SORCS2: variants seen among roughly 807,000 people sequenced by gnomAD.
SORCS2 encodes VPS10 domain-containing receptor SorCS2.
Under a neutral mutation model 141.6 loss-of-function variants are expected in SORCS2, and 100 were observed. That is an observed-to-expected ratio of 0.71 (90% CI 0.60 to 0.83). SORCS2 has a LOEUF of 0.83. SORCS2 is among the 40% of genes least tolerant of loss of function. The pLI, the probability that SORCS2 is intolerant of heterozygous loss-of-function variation, is 0.00. For missense variants in SORCS2, 1,646 were observed against 1,560.2 expected, an observed-to-expected ratio of 1.05 and a Z score of -0.93; for synonymous variants, 789 against 676.9, an observed-to-expected ratio of 1.17 and a Z score of -2.57.
chr4:7,466,311 G>T (rs1729614127), intron 2 of SORCS2, among the ~76,000 whole-genome samples: 1 of 152,152 alleles, frequency 6.6e-6, no homozygotes, highest in Non-Finnish European at 1.5e-5. Context: ...GAGACAAGGA[G>T]AGGCTGGCGG....
At chr4:7,410,646 T>C (rs1725242128) in intron 2 of SORCS2, among the ~76,000 whole-genome samples, 1 of 152,192 alleles carries the variant, frequency 6.6e-6, no homozygotes, top group South Asian at 2.1e-4. Context: ...GCATTTTTGC[T>C]CCCAGGCCAG....
At chr4:7,598,642 C>G (rs1441939882) in intron 3 of SORCS2, among the ~76,000 whole-genome samples, 1 of 152,154 alleles carries the variant, frequency 6.6e-6, no homozygotes, top group African/African-American at 2.4e-5. Context: ...GTGTGCCCCT[C>G]GCTTGTGCTT....
At chr4:7,420,651 G>A (rs7681390) in intron 2 of SORCS2, among the ~76,000 whole-genome samples, 2 of 152,052 alleles carry the variant, frequency 1.3e-5, no homozygotes, top group Non-Finnish European at 2.9e-5. Context: ...CTTTCCTGAC[G>A]CCACTGAGCC....
intron 1 of SORCS2, among the ~76,000 whole-genome samples, chr4:7,297,087 G>C (rs1049652333): frequency 2.4e-5 from 2 of 81,836 alleles, no homozygotes; most frequent in Non-Finnish European, 6.4e-5. Context: ...CAGAGTGCCT[G>C]GGGGGGTCCT....
At chr4:7,439,389 A>G (rs1727511630) in intron 2 of SORCS2, among the ~76,000 whole-genome samples, 1 of 152,124 alleles carries the variant, frequency 6.6e-6, no homozygotes, top group South Asian at 2.1e-4. Flanking sequence ...TTTTAGAAAC[A>G]CCAATCCATA....
chr4:7,623,031 G>C (rs1324387481), intron 3 of SORCS2, among the ~76,000 whole-genome samples: 1 of 151,984 alleles, frequency 6.6e-6, no homozygotes, highest in Non-Finnish European at 1.5e-5. Context: ...ATGGTTAGAG[G>C]GCAGATGAAG....
intron 4 of SORCS2, among the ~76,000 whole-genome samples, chr4:7,645,913 G>T (rs1318156296): frequency 6.6e-6 from 1 of 152,206 alleles, no homozygotes; most frequent in Non-Finnish European, 1.5e-5. Flanking sequence ...CTGCCTTCCT[G>T]CTCCCAAGGC....
chr4:7,618,212 A>T (rs1052797500), intron 3 of SORCS2, among the ~76,000 whole-genome samples: 15 of 151,820 alleles, frequency 9.9e-5, no homozygotes, highest in Non-Finnish European at 2.9e-5. Flanking sequence ...TCACGCTAAA[A>T]ACTCAGGGGT....
chr4:7,684,730 A>G (rs570808943), intron 10 of SORCS2, among the ~76,000 whole-genome samples: 2 of 140,732 alleles, frequency 1.4e-5, no homozygotes, highest in East Asian at 3.9e-4. Flanking sequence ...CTCAGAACAC[A>G]CCAACCAGCA....
At chr4:7,405,286 G>A (rs1052230068) in intron 2 of SORCS2, among the ~76,000 whole-genome samples, 1 of 152,050 alleles carries the variant, frequency 6.6e-6, no homozygotes, top group Non-Finnish European at 1.5e-5. Context: ...GTTAGGTAAC[G>A]TGGTGCCTCC....
chr4:7,692,301 C>G (rs1265686315), intron 11 of SORCS2, among the ~76,000 whole-genome samples: 1 of 152,178 alleles, frequency 6.6e-6, no homozygotes. Flanking sequence ...GGGTCGCTCC[C>G]CTGCCCACCC....
chr4:7,559,856 A>G (rs1714408943), intron 3 of SORCS2, among the ~76,000 whole-genome samples: 1 of 152,264 alleles, frequency 6.6e-6, no homozygotes. Flanking sequence ...CATTGCTGTC[A>G]TCATTGTCAC....
intron 2 of SORCS2, among the ~76,000 whole-genome samples, chr4:7,465,131 C>A (rs1181854691): frequency 6.6e-6 from 1 of 152,150 alleles, no homozygotes; most frequent in Non-Finnish European, 1.5e-5. Flanking sequence ...GGCCGCTGGG[C>A]GAAAGAAGGC....
rs1273787162 is a variant in SORCS2 at position 7,725,013 on chromosome 4, GGTGGTGGTGGTGGTGATGATAGTGGTA to G, written c.2612-128_2612-102del. 5.8e-5 allele frequency: 51 copies of G among 881,800 alleles called. No homozygotes were observed. The Middle Eastern group carries it at 9.0e-4, about 16-fold the overall frequency. The allele number at this position is 881,800 out of a possible 1,614,324, so 54.6% of individuals were successfully genotyped here. On this transcript the variant is annotated intron_variant, in intron 19 of 26. Transcript: ENST00000507866. ...TGGTGGTAGTAGTGGTGATGGTGGT[GGTGGTGGTGGTGGTGATGATAGTGGTA>G]GTGGTGGTGGTGATGATAGCAATGA... is the stretch of plus-strand genomic sequence containing the variant.
rs531328738 is a variant in SORCS2 at position 7,220,739 on chromosome 4, G to A, written c.480+27613G>A. On this transcript the variant is annotated intron_variant, in intron 1 of 26. Transcript: ENST00000507866. ...GCACGCTGTGGGGTGGCCTCTCCAG[G>A]TGCGTCCCAGGTGTGAAACATGCCA... is the stretch of plus-strand genomic sequence containing the variant. Among the ~76,000 whole-genome samples, 27 of 152,242 alleles carry A rather than the reference G, an allele frequency of 1.8e-4. No homozygotes were observed. In the South Asian group the frequency reaches 5.4e-3, roughly 30 times the overall value.
At chr4:7,681,182 C>T (rs1723503961) in intron 9 of SORCS2, among the ~76,000 whole-genome samples, 1 of 152,136 alleles carries the variant, frequency 6.6e-6, no homozygotes, top group South Asian at 2.1e-4. Context: ...AGAATAGTGA[C>T]CCCCTCAAAG....
intron 23 of SORCS2, 106 bp from the exon 24 acceptor site, chr4:7,733,216 C>T (rs1711845807): frequency 1.9e-5 from 12 of 635,092 alleles, no homozygotes; most frequent in South Asian, 1.6e-4. Context: ...CCCCCCAACA[C>T]GTGGAGACCC....
At chr4:7,301,513 G>A (rs1532666) in intron 1 of SORCS2, among the ~76,000 whole-genome samples, 121,154 of 152,228 alleles carry the variant, frequency 0.8, 49,508 homozygotes, top group Non-Finnish European at 0.89. Context: ...CTCAGGCGCT[G>A]GGCTGACCCC....
chr4:7,241,091 T>A (rs143585658), intron 1 of SORCS2, among the ~76,000 whole-genome samples: 4,098 of 152,180 alleles, frequency 0.027, 201 homozygotes, highest in African/African-American at 0.094. Context: ...TGTGCCACCA[T>A]GCCTGGCTAA....
Sources: gnomAD v4.1 joint callset for allele counts (sites outside exome capture counted in the v4.1 genomes callset) on GRCh38, gnomAD v4.1.1 for gene constraint, MANE v1.5 for transcripts, NCBI Gene and HGNC (gene_info 2026-07-23, HGNC 2026-07-21) for gene names.